Variants in ACCSL observed in about 807,000 individuals in gnomAD.
The protein encoded by ACCSL is 1-aminocyclopropane-1-carboxylate synthase homolog (inactive) like.
A neutral mutation model predicts 61.7 loss-of-function variants in ACCSL; 55 were observed. The observed-to-expected ratio is 0.89, with a 90% CI of 0.72 to 1.12. The LOEUF (loss-of-function observed/expected upper bound fraction) is 1.12. Among genes scored for constraint, ACCSL ranks in the 50% most tolerant of loss-of-function variants. The probability of loss-of-function intolerance (pLI) is 0.00; values close to 1 mark genes in which losing one functional copy is unlikely to be tolerated. For synonymous variants in ACCSL, 258 were observed against 264.3 expected, an observed-to-expected ratio of 0.98 and a Z score of 0.23; for missense variants, 632 against 698.0, an observed-to-expected ratio of 0.91 and a Z score of 1.07.
At chr11:43,984,420 G>T in the ACCSL span, among the ~76,000 whole-genome samples, 1 of 152,102 alleles carries the variant, frequency 6.6e-6, no homozygotes, top group Admixed American at 6.5e-5. Context: ...TTATTTGCTG[G>T]CCTAGGGAGA....
At chr11:44,008,489 C>G in the ACCSL span, among the ~76,000 whole-genome samples, 9 of 152,328 alleles carry the variant, frequency 5.9e-5, no homozygotes, top group East Asian at 1.5e-3. Context: ...CTTCTTCTGT[C>G]GTTGTGAACA....
chr11:44,048,212 G>A lies in ACCSL; in HGVS notation c.176G>A (p.Arg59Lys), dbSNP rs1164193246. 6.2e-7 allele frequency: 1 copy of A among 1,614,074 alleles called. No individual in the cohort carries two copies. The highest frequency in any genetic ancestry group is 1.3e-5 in the African/African-American group (1 of 74,930). ...SRQGLSLEERRHTEAICEHEA... is the reference protein window; with the variant it reads ...SRQGLSLEERKHTEAICEHEA... ...CAGGGCCTGTCGCTGGAGGAAAGGA[G>A]GCACACTGAGGCCATCTGTGAGCAT... Residue 59 changes from arginine to lysine, a missense_variant, in exon 1 of 14, where the codon AGG becomes AAG. Physicochemically the swap from Arg to Lys is conservative, Grantham distance 26. Transcript: ENST00000378832.
the ACCSL span, among the ~76,000 whole-genome samples, chr11:44,008,625 A>G: frequency 1.3e-5 from 2 of 152,186 alleles, no homozygotes; most frequent in Non-Finnish European, 2.9e-5. Flanking sequence ...CTATATATGA[A>G]CTGTGTCAAC....
At chr11:43,935,152 C>T in the ACCSL span, among the ~76,000 whole-genome samples, 2 of 152,162 alleles carry the variant, frequency 1.3e-5, no homozygotes, top group African/African-American at 4.8e-5. Context: ...AAGAGGGACC[C>T]CCGGCGAATC....
the ACCSL span, among the ~76,000 whole-genome samples, chr11:43,965,515 T>C: frequency 2.0e-5 from 3 of 152,216 alleles, no homozygotes; most frequent in African/African-American, 7.2e-5. Context: ...ATTGTTAAGA[T>C]ACAATACTCC....
chr11:43,938,915 G>C, the ACCSL span, among the ~76,000 whole-genome samples: 1 of 152,200 alleles, frequency 6.6e-6, no homozygotes, highest in Non-Finnish European at 1.5e-5. Flanking sequence ...CGATTTCTTT[G>C]TTTGGTTTAA....
chr11:43,992,990 G>A, the ACCSL span, among the ~76,000 whole-genome samples: 1 of 152,198 alleles, frequency 6.6e-6, no homozygotes, highest in African/African-American at 2.4e-5. Flanking sequence ...GCGAAAGTGA[G>A]AACGTGGAGG....
At chr11:44,003,834 G>A in the ACCSL span, among the ~76,000 whole-genome samples, 14 of 152,246 alleles carry the variant, frequency 9.2e-5, no homozygotes, top group South Asian at 1.9e-3. Context: ...ACTGCTGCCC[G>A]GGGGCTGTGG....
At chr11:43,966,268 A>G in the ACCSL span, among the ~76,000 whole-genome samples, 1 of 152,112 alleles carries the variant, frequency 6.6e-6, no homozygotes. Flanking sequence ...TCTACTAAAA[A>G]TACAAAAATT....
At chr11:43,941,826 G>A in the ACCSL span, among the ~76,000 whole-genome samples, 3 of 152,178 alleles carry the variant, frequency 2.0e-5, no homozygotes, top group Non-Finnish European at 4.4e-5. Context: ...ACGTAAAACA[G>A]AGCTCATGGT....
At chr11:44,034,602 T>A in the ACCSL span, among the ~76,000 whole-genome samples, 2 of 152,052 alleles carry the variant, frequency 1.3e-5, no homozygotes, top group East Asian at 3.9e-4. Flanking sequence ...TTCCCCTTTA[T>A]AAAACCATCA....
At chr11:44,001,849 A>G in the ACCSL span, among the ~76,000 whole-genome samples, 1 of 147,008 alleles carries the variant, frequency 6.8e-6, no homozygotes, top group African/African-American at 2.5e-5. Context: ...GGGCTCCCCG[A>G]CAGGCTCCTT....
chr11:44,058,513 T>C (rs759944649), intron 12 of ACCSL, 33 bp from the exon 13 acceptor site: 40 of 1,613,996 alleles, frequency 2.5e-5, no homozygotes, highest in Non-Finnish European at 3.4e-5. Context: ...CAGCTGGGTC[T>C]TGGGCTCAGT....
the ACCSL span, among the ~76,000 whole-genome samples, chr11:43,980,634 A>G: frequency 6.6e-5 from 10 of 152,236 alleles, no homozygotes; most frequent in African/African-American, 1.9e-4. Context: ...ATAATTTCCA[A>G]GAGTTCTTCG....
the ACCSL span, among the ~76,000 whole-genome samples, chr11:43,964,273 C>T: frequency 4.6e-5 from 7 of 151,976 alleles, no homozygotes; most frequent in Non-Finnish European, 8.8e-5. Context: ...GAAACCCCGT[C>T]TCTACTAAAA....
At chr11:44,035,936 T>TA in the ACCSL span, among the ~76,000 whole-genome samples, 12,121 of 78,796 alleles carry the variant, frequency 0.15, 944 homozygotes, top group Middle Eastern at 0.27. Flanking sequence ...AGACTCTGTG[T>TA]AAAAAAAAAA....
the ACCSL span, among the ~76,000 whole-genome samples, chr11:43,924,272 G>A: frequency 2.0e-5 from 3 of 152,380 alleles, no homozygotes; most frequent in East Asian, 3.9e-4. Flanking sequence ...GGGAGAGACA[G>A]CCCTGGAGGG....
the ACCSL span, among the ~76,000 whole-genome samples, chr11:43,927,049 G>A: frequency 6.6e-6 from 1 of 152,196 alleles, no homozygotes; most frequent in Non-Finnish European, 1.5e-5. Context: ...AGCCCGGCCA[G>A]CTTTTCACAA....
the ACCSL span, among the ~76,000 whole-genome samples, chr11:43,932,558 C>T: frequency 8.3e-4 from 127 of 152,276 alleles, no homozygotes; most frequent in Middle Eastern, 0.01. Flanking sequence ...GTGTGAGTCA[C>T]GGCACCCAGC....
Sources: gnomAD v4.1 joint callset for allele counts (sites outside exome capture counted in the v4.1 genomes callset) on GRCh38, gnomAD v4.1.1 for gene constraint, MANE v1.5 for transcripts, NCBI Gene and HGNC (gene_info 2026-07-23, HGNC 2026-07-21) for gene names.